Variants in CEP63 observed in about 807,000 individuals in gnomAD.
The protein encoded by CEP63 is centrosomal protein of 63 kDa.
A neutral mutation model predicts 89.1 loss-of-function variants in CEP63; 84 were observed. The observed-to-expected ratio is 0.94, with a 90% CI of 0.79 to 1.13. CEP63 has a LOEUF of 1.13. CEP63 is among the 50% of genes most tolerant of loss of function. CEP63 has a pLI of 0.00. For synonymous variants in CEP63, 267 were observed against 272.5 expected, an observed-to-expected ratio of 0.98 and a Z score of 0.20; for missense variants, 838 against 813.3, an observed-to-expected ratio of 1.03 and a Z score of -0.37.
Position 134,564,914 on chromosome 3 carries a change from A to G in CEP63, c.*3379A>G. On this transcript the variant is annotated 3_prime_UTR_variant, in exon 15 of 15. Transcript: ENST00000675561. Reference sequence around the variant, plus strand: ...AAATTATACTGTTTTTTAAAGCTGAAGTATCTAATAGTTAATGGGTTGTCC... The same window carrying G: ...AAATTATACTGTTTTTTAAAGCTGAGGTATCTAATAGTTAATGGGTTGTCC... 1.6e-5 allele frequency: 16 copies of G among 983,552 alleles called. No individual in the cohort carries two copies. Among genetic ancestry groups the G allele is most frequent in the South Asian group, 9.4e-5 (2 of 21,238 alleles). 60.9% of individuals were successfully genotyped at this position (983,552 alleles called of 1,614,324 possible).
chr3:134,756,622 A>G, the CEP63 span, among the ~76,000 whole-genome samples: 1 of 152,104 alleles, frequency 6.6e-6, no homozygotes, highest in African/African-American at 2.4e-5. Flanking sequence ...CCAAAGTGCT[A>G]GGATTACAGG....
chr3:134,537,544 C>G (rs1951006309), intron 6 of CEP63, among the ~76,000 whole-genome samples: 1 of 152,166 alleles, frequency 6.6e-6, no homozygotes, highest in Admixed American at 6.5e-5. Flanking sequence ...CTCACCCACT[C>G]TCTGTCATTG....
chr3:134,767,075 A>T, the CEP63 span, among the ~76,000 whole-genome samples: 1 of 151,828 alleles, frequency 6.6e-6, no homozygotes, highest in South Asian at 2.1e-4. Context: ...TCTGGTCTGC[A>T]CTCCAGCCCT....
chr3:134,757,431 A>C, the CEP63 span, among the ~76,000 whole-genome samples: 1 of 152,218 alleles, frequency 6.6e-6, no homozygotes, highest in Non-Finnish European at 1.5e-5. Flanking sequence ...CTCTGGGCTA[A>C]AACTCAGAAC....
At chr3:134,529,148 T>G (rs1949339211) in intron 3 of CEP63, among the ~76,000 whole-genome samples, 1 of 152,178 alleles carries the variant, frequency 6.6e-6, no homozygotes, top group Non-Finnish European at 1.5e-5. Context: ...GGGATTTTAG[T>G]ATAGTATACT....
chr3:134,569,110 C>G (rs1957912227), downstream of CEP63, among the ~76,000 whole-genome samples: 1 of 152,200 alleles, frequency 6.6e-6, no homozygotes, highest in African/African-American at 2.4e-5. Context: ...CAACCACCTT[C>G]CACCAGATTC....
At chr3:134,494,048 T>G (rs76093700) in intron 1 of CEP63, among the ~76,000 whole-genome samples, 2,464 of 152,162 alleles carry the variant, frequency 0.016, 58 homozygotes, top group African/African-American at 0.055. Context: ...CTCTTTCCTT[T>G]CTCACTGTCA....
chr3:134,691,004 C>T, the CEP63 span, among the ~76,000 whole-genome samples: 1 of 152,166 alleles, frequency 6.6e-6, no homozygotes, highest in African/African-American at 2.4e-5. Context: ...CCGCCTTGGC[C>T]TCCCAAAGTG....
intron 3 of CEP63, among the ~76,000 whole-genome samples, chr3:134,522,080 C>T (rs905218461): frequency 1.3e-5 from 2 of 152,126 alleles, no homozygotes; most frequent in African/African-American, 4.8e-5. Flanking sequence ...CTGGTACTGT[C>T]ATCTGCATTT....
chr3:134,695,098 G>A, the CEP63 span, among the ~76,000 whole-genome samples: 1 of 152,186 alleles, frequency 6.6e-6, no homozygotes, highest in Non-Finnish European at 1.5e-5. Flanking sequence ...AAAGTTCCAG[G>A]TCAGCCGGCC....
chr3:134,514,128 G>T (rs1166475821), intron 3 of CEP63, among the ~76,000 whole-genome samples: 1 of 152,074 alleles, frequency 6.6e-6, no homozygotes, highest in Non-Finnish European at 1.5e-5. Flanking sequence ...GGCACTAAAA[G>T]ATAAGATTGA....
At chr3:134,712,872 G>T in the CEP63 span, among the ~76,000 whole-genome samples, 1 of 152,150 alleles carries the variant, frequency 6.6e-6, no homozygotes, top group South Asian at 2.1e-4. Context: ...CTGGCTGCCT[G>T]GGAACCAAGG....
chr3:134,486,052 G>A (rs989767081), upstream of CEP63: 1 of 985,336 alleles, frequency 1.0e-6, no homozygotes, highest in African/African-American at 1.7e-5. Flanking sequence ...CCCGGATGTG[G>A]GTGAGTTCAT....
chr3:134,712,326 C>T, the CEP63 span, among the ~76,000 whole-genome samples: 7 of 152,164 alleles, frequency 4.6e-5, no homozygotes, highest in East Asian at 3.9e-4. Context: ...TTGGAACTCC[C>T]GTTGTCAGAT....
chr3:134,738,966 T>A, the CEP63 span, among the ~76,000 whole-genome samples: 27 of 146,616 alleles, frequency 1.8e-4, no homozygotes, highest in South Asian at 2.2e-4. Flanking sequence ...ATGGCTATAA[T>A]AAAAAAAAAA....
intron 1 of CEP63, among the ~76,000 whole-genome samples, chr3:134,487,262 C>T (rs1935904272): frequency 6.6e-6 from 1 of 152,126 alleles, no homozygotes; most frequent in South Asian, 2.1e-4. Flanking sequence ...CATGCAGTAC[C>T]ATTTTTAGAT....
the CEP63 span, among the ~76,000 whole-genome samples, chr3:134,698,409 G>A: frequency 2.0e-5 from 3 of 152,220 alleles, no homozygotes; most frequent in Non-Finnish European, 2.9e-5. Context: ...CTGAGTGAAG[G>A]GGGGCGGGAT....
the CEP63 span, among the ~76,000 whole-genome samples, chr3:134,625,763 T>C: frequency 6.6e-6 from 1 of 152,246 alleles, no homozygotes; most frequent in Non-Finnish European, 1.5e-5. Flanking sequence ...GATGGCGTTC[T>C]GGTAACAGGG....
downstream of CEP63, among the ~76,000 whole-genome samples, chr3:134,588,893 G>A (rs1039577860): frequency 6.6e-6 from 1 of 152,068 alleles, no homozygotes; most frequent in Admixed American, 6.5e-5. Flanking sequence ...GCAAACAAGT[G>A]CAGATCTTAC....
Sources: gnomAD v4.1 joint callset for allele counts (sites outside exome capture counted in the v4.1 genomes callset) on GRCh38, gnomAD v4.1.1 for gene constraint, MANE v1.5 for transcripts, NCBI Gene and HGNC (gene_info 2026-07-23, HGNC 2026-07-21) for gene names.